FRY: variants seen among roughly 807,000 people sequenced by gnomAD.
FRY encodes the protein FRY microtubule binding protein, also known as protein furry homolog.
In FRY, 128 loss-of-function variants were observed where a neutral mutation model predicts 348.4. The ratio of observed to expected loss-of-function variants is 0.37; its 90% CI spans 0.32 to 0.43. FRY has a LOEUF of 0.43. Among genes scored for constraint, FRY ranks in the 20% least tolerant of loss-of-function variants. FRY has a pLI of 1.00. For synonymous variants in FRY, 1,370 were observed against 1,374.7 expected (o/e 1.00, Z 0.08); for missense variants, 2,736 against 3,695.2 (o/e 0.74, Z 6.73).
At chr13:32,151,300 TA>T (rs989146500) in intron 14 of FRY, among the ~76,000 whole-genome samples, 1 of 151,796 alleles carries the variant, frequency 6.6e-6, no homozygotes, top group Non-Finnish European at 1.5e-5. Flanking sequence ...AACTGTGATT[TA>T]AAAAAAATAT....
At chr13:32,184,065 G>C (rs1211780641) in intron 24 of FRY, among the ~76,000 whole-genome samples, 1 of 151,968 alleles carries the variant, frequency 6.6e-6, no homozygotes, top group East Asian at 1.9e-4. Context: ...TGTAGTCCCA[G>C]CTACTCGAGA....
intron 58 of FRY, among the ~76,000 whole-genome samples, chr13:32,284,358 T>G (rs1237181105): frequency 6.6e-6 from 1 of 152,224 alleles, no homozygotes; most frequent in Non-Finnish European, 1.5e-5. Context: ...TTATACAAAT[T>G]GAACAAGTTA....
At chr13:32,041,449 A>G (rs981516026) in intron 1 of FRY, among the ~76,000 whole-genome samples, 4 of 152,036 alleles carry the variant, frequency 2.6e-5, no homozygotes, top group Non-Finnish European at 4.4e-5. Context: ...GCCCGCCACC[A>G]TGCCCTGCTA....
chr13:32,233,163 C>T (rs1886012726), intron 41 of FRY, among the ~76,000 whole-genome samples: 1 of 152,140 alleles, frequency 6.6e-6, no homozygotes, highest in South Asian at 2.1e-4. Flanking sequence ...TTTTCCAGGA[C>T]CCTCTGTTTT....
intron 4 of FRY, among the ~76,000 whole-genome samples, chr13:32,121,347 A>G (rs1302910915): frequency 6.6e-6 from 1 of 152,202 alleles, no homozygotes; most frequent in Non-Finnish European, 1.5e-5. Context: ...GAATCTCCAC[A>G]CTGTTTTCCA....
At chr13:32,234,506 A>G (rs774298379) in intron 41 of FRY, 68 bp from the exon 42 acceptor site, 2 of 1,344,110 alleles carry the variant, frequency 1.5e-6, no homozygotes, top group Non-Finnish European at 2.1e-6. Context: ...TTAAACTTAG[A>G]GGTAACTTTG....
At chr13:32,180,103 G>C (rs1457936185) in intron 23 of FRY, among the ~76,000 whole-genome samples, 4 of 152,216 alleles carry the variant, frequency 2.6e-5, no homozygotes, top group Admixed American at 2.0e-4. Context: ...TGGCCAGACT[G>C]TTCAGAGGTT....
In FRY at chr13:32,208,953, G is replaced by C; in HGVS notation, c.4119G>C (p.Arg1373Ser). 2 of 1,614,158 alleles carry C rather than the reference G, an allele frequency of 1.2e-6. No homozygotes were observed. Among genetic ancestry groups the C allele is most frequent in the Non-Finnish European group, 1.7e-6 (2 of 1,180,036 alleles). ...ACAACATCGAGCTGGTGGACAGCAGGCTCCTCCTCCCGGGGTCGAGCCCCA... is the reference window on the plus strand; with the variant it reads ...ACAACATCGAGCTGGTGGACAGCAGCCTCCTCCTCCCGGGGTCGAGCCCCA... ...WLHNIELVDS[R>S]LLLPGSSPSS... is the part of the protein sequence containing the mutation. Residue 1373 changes from arginine to serine, a missense_variant, in exon 32 of 61, where the codon AGG (arginine) becomes AGC (serine). Around this residue, in one of 9 missense-constraint regions of FRY, gnomAD observed 794 missense variants for 977.0 expected, o/e 0.81. Coordinates refer to ENST00000542859, the MANE Select transcript of FRY (RefSeq NM_023037.3).
At chr13:32,274,632 A>T (rs138604155) in intron 55 of FRY, among the ~76,000 whole-genome samples, 8,279 of 128,454 alleles carry the variant, frequency 0.064, 301 homozygotes, top group Admixed American at 0.15. Flanking sequence ...TGAACCTGGG[A>T]GGGGGAGCTT....
intron 24 of FRY, among the ~76,000 whole-genome samples, chr13:32,184,287 C>T (rs1278135973): frequency 6.6e-6 from 1 of 152,098 alleles, no homozygotes; most frequent in African/African-American, 2.4e-5. Context: ...ATTTCATGTC[C>T]CCTGCCCCTT....
intron 41 of FRY, among the ~76,000 whole-genome samples, chr13:32,233,067 G>C (rs1886006364): frequency 1.3e-5 from 2 of 152,042 alleles, no homozygotes; most frequent in Admixed American, 6.6e-5. Context: ...GACATAAAAA[G>C]CTTTTTTGAA....
chr13:32,143,578 A>G (rs1407279230), intron 11 of FRY, among the ~76,000 whole-genome samples: 4 of 152,240 alleles, frequency 2.6e-5, no homozygotes, highest in Admixed American at 6.5e-5. Context: ...GTTATGGTCT[A>G]CAGTGAAATT....
rs771340891 is a variant in FRY, at chr13:32,236,146, C to G, written c.5784C>G (p.Asn1928Lys). 1 of 1,613,406 alleles carries G rather than the reference C, an allele frequency of 6.2e-7. No homozygotes were observed. Among genetic ancestry groups the G allele is most frequent in the South Asian group, 1.1e-5 (1 of 91,054 alleles). ...ATAACTTGTCTGACTGCTTGAAGAA[C>G]AGTGACCTCCTAACTGTATTGTCCC... ...AVDNLSDCLKNSDLLTVLSRS... is the reference protein window; with the variant it reads ...AVDNLSDCLKKSDLLTVLSRS... The change falls in exon 43 of 61, where the codon AAC becomes AAG. Residue 1928 changes from asparagine (N) to lysine (K), a missense_variant. By Grantham distance (94) the Asn-to-Lys change is moderately conservative (BLOSUM62 0). Coordinates refer to ENST00000542859, the MANE Select transcript of FRY (RefSeq NM_023037.3).
At chr13:32,242,609 A>T (rs1396884643) in intron 46 of FRY, among the ~76,000 whole-genome samples, 1 of 152,148 alleles carries the variant, frequency 6.6e-6, no homozygotes, top group African/African-American at 2.4e-5. Flanking sequence ...ACGTTGGCTC[A>T]CTGCAACTTC....
At chr13:32,069,858 C>T (rs1479303142) in intron 1 of FRY, among the ~76,000 whole-genome samples, 1 of 150,894 alleles carries the variant, frequency 6.6e-6, no homozygotes. Flanking sequence ...TGCTATCCCT[C>T]CCCCAGACCC....
chr13:32,031,834 T>C lies in FRY; in HGVS notation c.39T>C (p.Ser13=), dbSNP rs574075801. 6.2e-7 allele frequency: 1 copy of C among 1,602,176 alleles called. No individual in the cohort carries two copies. Among genetic ancestry groups the C allele is most frequent in the East Asian group, 2.2e-5 (1 of 44,848 alleles). The change falls in exon 1 of 61, where the codon AGT becomes AGC. Residue 13 remains serine (S), a synonymous_variant. Transcript: ENST00000542859. ...SQQDSGFFEI[S]IKYLLKSWSN... is the part of the protein sequence containing the mutation. Reference sequence around the variant, plus strand: ...AGGATTCGGGCTTCTTTGAGATCAGTATCAAATATTTACTGAAATCCTGGA... The same window carrying C: ...AGGATTCGGGCTTCTTTGAGATCAGCATCAAATATTTACTGAAATCCTGGA...
chr13:32,247,324 G>A lies in FRY; in HGVS notation c.6830G>A (p.Ser2277Asn). 3.1e-6 allele frequency: 5 copies of A among 1,611,210 alleles called. No individual in the cohort carries two copies. Among genetic ancestry groups the A allele is most frequent in the Non-Finnish European group, 4.2e-6 (5 of 1,177,424 alleles). The change falls in exon 48 of 61, where the codon AGT (serine) becomes AAT (asparagine). Residue 2277 changes from serine to asparagine, a missense_variant and splice_region_variant. Ser to Asn is a conservative substitution (Grantham distance 46). This residue lies in a region of FRY where 789 missense variants were observed against 996.2 expected (regional missense o/e 0.79). Coordinates refer to ENST00000542859, the MANE Select transcript of FRY (RefSeq NM_023037.3). ...CCTTGAATGTTTTATTTCCTGCAGA[G>A]TGTTCACTGGAGAGAAGCTCTGAAT... ...VLKTIEKYVQ[S>N]VHWREALNIL...
intron 3 of FRY, among the ~76,000 whole-genome samples, chr13:32,111,884 C>T (rs1877989494): frequency 6.6e-6 from 1 of 152,210 alleles, no homozygotes. Flanking sequence ...TTGAAGTGAG[C>T]TGTTGCCTGC....
intron 3 of FRY, among the ~76,000 whole-genome samples, chr13:32,105,717 A>G (rs76711238): frequency 0.056 from 8,548 of 152,200 alleles, 516 homozygotes; most frequent in East Asian, 0.26. Context: ...TTTAGTACTT[A>G]TATGTGATAG....
Sources: allele counts gnomAD v4.1 joint callset (sites outside exome capture counted in the v4.1 genomes callset), GRCh38; gene constraint gnomAD v4.1.1; regional missense constraint gnomAD v4.1.1; transcripts MANE v1.5; gene names NCBI Gene and HGNC (gene_info 2026-07-23, HGNC 2026-07-21).